Variants in CPNE4 observed in about 807,000 individuals in gnomAD.
The protein encoded by CPNE4 is copine 4, also known as copine-4.
CPNE4 carries 25 observed loss-of-function variants against 67.9 expected under a neutral mutation model. That is an observed-to-expected ratio of 0.37 (90% confidence interval 0.27 to 0.51). CPNE4 has a LOEUF of 0.51. CPNE4 is among the 20% of genes least tolerant of loss of function. The pLI is 0.93. For missense variants in CPNE4, 464 were observed against 690.8 expected (o/e 0.67, Z 3.68); for synonymous variants, 242 against 244.9 (o/e 0.99, Z 0.11).
intron 7 of CPNE4, among the ~76,000 whole-genome samples, chr3:131,665,013 C>G (rs1268705988): frequency 1.3e-5 from 2 of 152,026 alleles, no homozygotes; most frequent in African/African-American, 2.4e-5. Context: ...AATTAAGGCT[C>G]AGTAGACATG....
chr3:131,885,034 G>A (rs2087823750), intron 2 of CPNE4, among the ~76,000 whole-genome samples: 1 of 152,206 alleles, frequency 6.6e-6, no homozygotes, highest in South Asian at 2.1e-4. Context: ...TTGGAACTGG[G>A]TAACAGGCAG....
intron 2 of CPNE4, among the ~76,000 whole-genome samples, chr3:131,777,847 C>A (rs548711731): frequency 8.9e-4 from 135 of 152,164 alleles, no homozygotes; most frequent in African/African-American, 3.2e-3. Context: ...ACATGGAGAT[C>A]TCTTGAGCAG....
intron 2 of CPNE4, among the ~76,000 whole-genome samples, chr3:131,811,018 G>A (rs11705732): frequency 0.094 from 14,245 of 151,954 alleles, 899 homozygotes; most frequent in Non-Finnish European, 0.14. Flanking sequence ...GTGGTTACCA[G>A]GAAAGGAGAA....
At chr3:132,030,283 T>C (rs577421691) in intron 1 of CPNE4, among the ~76,000 whole-genome samples, 1 of 152,326 alleles carries the variant, frequency 6.6e-6, no homozygotes, top group African/African-American at 2.4e-5. Context: ...AGTCACTTAT[T>C]TGAGCTTTAG....
chr3:131,626,759 A>G (rs9784310), intron 7 of CPNE4, among the ~76,000 whole-genome samples: 41,939 of 152,172 alleles, frequency 0.28, 9,537 homozygotes, highest in African/African-American at 0.63. Flanking sequence ...ATTAAAAGTA[A>G]ATGCCATCTA....
Position 131,699,893 on chromosome 3 carries a change from G to A in CPNE4, c.432+16C>T. Reference sequence around the variant, plus strand: ...CTCCACTCAGGCAGACAGCTGCTTAGGGAGTGCCTGCTTACCGTGATGGAA... The same window carrying A: ...CTCCACTCAGGCAGACAGCTGCTTAAGGAGTGCCTGCTTACCGTGATGGAA... On this transcript the variant is annotated intron_variant, in intron 4 of 15. Transcript: ENST00000429747. The A allele has an allele frequency of 6.2e-7, 1 of 1,610,294 alleles. No homozygotes were observed. The highest frequency in any genetic ancestry group is 1.1e-5 in the South Asian group (1 of 90,704).
chr3:131,682,541 G>A (rs1409379774), intron 6 of CPNE4, among the ~76,000 whole-genome samples: 1 of 152,120 alleles, frequency 6.6e-6, no homozygotes, highest in South Asian at 2.1e-4. Context: ...GGGGTGACAC[G>A]AGCACCACTG....
intron 5 of CPNE4, among the ~76,000 whole-genome samples, chr3:131,695,659 T>G (rs1221427873): frequency 2.0e-5 from 3 of 152,140 alleles, no homozygotes; most frequent in Non-Finnish European, 4.4e-5. Context: ...AAAGGTGAAG[T>G]TAAAAGCTTG....
chr3:131,652,805 G>A (rs566048857), intron 7 of CPNE4, among the ~76,000 whole-genome samples: 1 of 152,244 alleles, frequency 6.6e-6, no homozygotes, highest in South Asian at 2.1e-4. Context: ...CTGCCATGTT[G>A]TCCAACTGTC....
intron 14 of CPNE4, 38 bp from the exon 15 acceptor site, chr3:131,542,831 A>G: frequency 7.0e-7 from 1 of 1,431,608 alleles, no homozygotes; most frequent in Non-Finnish European, 9.8e-7. Flanking sequence ...GGGGGGGTGA[A>G]GAGGTGAGGG....
chr3:131,649,702 C>T (rs1222414957), intron 7 of CPNE4, among the ~76,000 whole-genome samples: 3 of 152,088 alleles, frequency 2.0e-5, no homozygotes, highest in East Asian at 1.9e-4. Context: ...GAAGATGAAA[C>T]GAGATCTTGT....
intron 2 of CPNE4, among the ~76,000 whole-genome samples, chr3:131,853,899 A>G (rs1236375391): frequency 6.6e-6 from 1 of 151,926 alleles, no homozygotes; most frequent in Non-Finnish European, 1.5e-5. Context: ...AAATGCTGGC[A>G]TGCATGTAGA....
At chr3:131,766,335 T>C (rs546123951) in intron 2 of CPNE4, among the ~76,000 whole-genome samples, 1 of 144,904 alleles carries the variant, frequency 6.9e-6, no homozygotes, top group Admixed American at 7.0e-5. Context: ...TTATTACTTC[T>C]TTATAATTAT....
At chr3:131,846,851 G>C (rs572720493) in intron 2 of CPNE4, among the ~76,000 whole-genome samples, 3 of 141,980 alleles carry the variant, frequency 2.1e-5, no homozygotes, top group Non-Finnish European at 4.4e-5. Context: ...TGGCTGCTAG[G>C]GCTTCCTTGC....
At chr3:131,678,589 T>C (rs1224108459) in intron 6 of CPNE4, among the ~76,000 whole-genome samples, 2 of 152,180 alleles carry the variant, frequency 1.3e-5, no homozygotes, top group African/African-American at 2.4e-5. Flanking sequence ...ATATGGCTCT[T>C]ATTATTTTGA....
intron 2 of CPNE4, among the ~76,000 whole-genome samples, chr3:131,782,392 A>G (rs2083451401): frequency 6.6e-6 from 1 of 152,100 alleles, no homozygotes; most frequent in Non-Finnish European, 1.5e-5. Flanking sequence ...GAATTTAATA[A>G]TTTCTTACCT....
intron 2 of CPNE4, among the ~76,000 whole-genome samples, chr3:131,800,487 G>A (rs964814270): frequency 5.3e-5 from 8 of 152,120 alleles, no homozygotes; most frequent in African/African-American, 1.7e-4. Flanking sequence ...GGCCATCTGA[G>A]CCATTGGATC....
At chr3:131,589,688 A>G (rs1227376856) in intron 7 of CPNE4, among the ~76,000 whole-genome samples, 3 of 152,214 alleles carry the variant, frequency 2.0e-5, no homozygotes, top group Non-Finnish European at 4.4e-5. Context: ...AATGAAAAAC[A>G]TTTGCAATGA....
intron 7 of CPNE4, among the ~76,000 whole-genome samples, chr3:131,600,032 T>G (rs571622605): frequency 6.6e-6 from 1 of 152,226 alleles, no homozygotes; most frequent in African/African-American, 2.4e-5. Flanking sequence ...TTGATCTATA[T>G]CTCTATGCAG....
Sources: gnomAD v4.1 joint callset for allele counts (sites outside exome capture counted in the v4.1 genomes callset) on GRCh38, gnomAD v4.1.1 for gene constraint, MANE v1.5 for transcripts, NCBI Gene and HGNC (gene_info 2026-07-23, HGNC 2026-07-21) for gene names.